Variants in ARID1B observed in about 807,000 individuals in gnomAD.
ARID1B encodes the protein AT-rich interactive domain-containing protein 1B.
In ARID1B, 30 loss-of-function variants were observed where a neutral mutation model predicts 212.3. That is an observed-to-expected ratio of 0.14 (90% CI 0.11 to 0.19). ARID1B has a LOEUF of 0.19. Among genes scored for constraint, ARID1B ranks in the 10% least tolerant of loss-of-function variants. The pLI, the probability that ARID1B is intolerant of heterozygous loss-of-function variation, is 1.00. For missense variants in ARID1B, 2,891 were observed against 3,204.0 expected (o/e 0.90, Z 2.36); for synonymous variants, 1,402 against 1,301.7 (o/e 1.08, Z -1.66).
chr6:157,054,223 C>CAAAAAAAAA (rs71645383), intron 4 of ARID1B, among the ~76,000 whole-genome samples: 19 of 144,706 alleles, frequency 1.3e-4, no homozygotes, highest in Admixed American at 2.1e-4. Context: ...GACTCTGTCT[C>CAAAAAAAAA]AAAAAAAAGA....
At chr6:157,122,458 C>T (rs548721562) in intron 6 of ARID1B, among the ~76,000 whole-genome samples, 1 of 152,314 alleles carries the variant, frequency 6.6e-6, no homozygotes, top group South Asian at 2.1e-4. Flanking sequence ...ATGTGGAATT[C>T]AAACAATTAT....
intron 1 of ARID1B, among the ~76,000 whole-genome samples, chr6:156,813,643 CT>C (rs1353843431): frequency 6.6e-6 from 1 of 152,086 alleles, no homozygotes; most frequent in Non-Finnish European, 1.5e-5. Flanking sequence ...TTATATGATT[CT>C]TTTTAAATGA....
intron 19 of ARID1B, chr6:157,204,799 C>T (rs1287084811): frequency 6.6e-6 from 1 of 152,130 alleles, no homozygotes; most frequent in Non-Finnish European, 1.5e-5. Flanking sequence ...GGAAAAAGGT[C>T]ATTTTCCCTA....
At chr6:157,174,181 C>T in intron 10 of ARID1B, 64 bp downstream of exon 10, 1 of 1,435,048 alleles carries the variant, frequency 7.0e-7, no homozygotes, top group Non-Finnish European at 9.8e-7. Flanking sequence ...ATGTCGTTCT[C>T]TCTTCACTGG....
intron 1 of ARID1B, among the ~76,000 whole-genome samples, chr6:156,800,562 C>T (rs1220214473): frequency 1.3e-5 from 2 of 151,894 alleles, no homozygotes; most frequent in Non-Finnish European, 2.9e-5. Flanking sequence ...GCACTTCAAC[C>T]TGGGTGACAG....
intron 4 of ARID1B, among the ~76,000 whole-genome samples, chr6:156,987,972 A>G (rs1778035643): frequency 1.3e-5 from 2 of 152,216 alleles, no homozygotes; most frequent in South Asian, 2.1e-4. Flanking sequence ...TGTGTGCATG[A>G]TGGTGATGTT....
chr6:157,087,973 A>G (rs1785057671), intron 5 of ARID1B, among the ~76,000 whole-genome samples: 1 of 152,250 alleles, frequency 6.6e-6, no homozygotes, highest in South Asian at 2.1e-4. Flanking sequence ...CTCTCAGATC[A>G]TAGGCAAACA....
Position 157,207,819 on chromosome 6 carries a change from G to A in ARID1B, c.7047G>A (p.Ser2349=), listed in dbSNP as rs1319153432. The A allele has an allele frequency of 1.3e-6, 2 of 1,539,992 alleles. No individual in the cohort carries two copies. Among genetic ancestry groups the A allele is most frequent in the Non-Finnish European group, 1.8e-6 (2 of 1,140,580 alleles). The change falls in exon 20 of 20, where the codon TCG becomes TCA. Residue 2349 remains serine, a synonymous_variant. Coordinates refer to ENST00000636930, the MANE Select transcript of ARID1B (RefSeq NM_001374828.1). This position sits in a 1 kb window ranked among gnomAD's most constrained non-coding sequence, Gnocchi z 8.5. ...LLHEGRLLDI[S]ISAVLNSLVA... is the part of the protein sequence containing the mutation. ...ACGAGGGCCGGTTGCTGGATATCTCGATATCAGCTGTCCTGAACTCTCTGG... is the reference window on the plus strand; with the variant it reads ...ACGAGGGCCGGTTGCTGGATATCTCAATATCAGCTGTCCTGAACTCTCTGG...
chr6:156,905,371 T>C (rs1201109468), intron 3 of ARID1B, among the ~76,000 whole-genome samples: 1 of 152,090 alleles, frequency 6.6e-6, no homozygotes, highest in East Asian at 1.9e-4. Context: ...AAGCCGATGG[T>C]CTGATGAAGT....
intron 7 of ARID1B, among the ~76,000 whole-genome samples, chr6:157,143,437 T>TGGG (rs139635777): frequency 5.5e-4 from 81 of 148,614 alleles, no homozygotes; most frequent in African/African-American, 8.4e-4. Context: ...ATCGAGTAGT[T>TGGG]GGGGGGGGCA....
intron 8 of ARID1B, among the ~76,000 whole-genome samples, chr6:157,163,430 T>C (rs934237307): frequency 6.6e-6 from 1 of 152,192 alleles, no homozygotes; most frequent in Non-Finnish European, 1.5e-5. Flanking sequence ...TGGCGTGCAG[T>C]GCGAGCCTTC....
chr6:156,950,108 G>A (rs1349345977), intron 4 of ARID1B, among the ~76,000 whole-genome samples: 3 of 152,198 alleles, frequency 2.0e-5, no homozygotes. Context: ...GAGTCGGTTG[G>A]TAGCATAGTG....
chr6:157,042,950 C>T lies in ARID1B; in HGVS notation c.2248-41712C>T, dbSNP rs117794750. On this transcript the variant is annotated intron_variant, in intron 4 of 19. Coordinates refer to ENST00000636930, the MANE Select transcript of ARID1B (RefSeq NM_001374828.1). ...TGCTGGGATTACAGGCATGAGCCAC[C>T]GCACAAAGGCTACACTTAACTTTAA... Among the ~76,000 whole-genome samples the T allele has an allele frequency of 6.8e-4, 104 of 152,196 alleles. No individual in the cohort carries two copies. In the East Asian group the frequency reaches 0.016, roughly 24 times the overall value.
intron 3 of ARID1B, among the ~76,000 whole-genome samples, chr6:156,932,263 G>GAA (rs1791808750): frequency 1.3e-5 from 2 of 151,248 alleles, no homozygotes; most frequent in Admixed American, 6.6e-5. Context: ...TTTAACCTTT[G>GAA]ACTCGTAACA....
At chr6:157,068,692 GC>G (rs1411768743) in intron 4 of ARID1B, among the ~76,000 whole-genome samples, 1 of 152,150 alleles carries the variant, frequency 6.6e-6, no homozygotes, top group Non-Finnish European at 1.5e-5. Context: ...ATCATCATAT[GC>G]TTACATAGTG....
chr6:156,886,525 G>C (rs552567914), intron 2 of ARID1B, among the ~76,000 whole-genome samples: 25 of 152,130 alleles, frequency 1.6e-4, no homozygotes, highest in Non-Finnish European at 2.6e-4. Context: ...GACCTCCAAA[G>C]TGTCCTTGCC....
intron 4 of ARID1B, among the ~76,000 whole-genome samples, chr6:157,021,185 C>T (rs1780222485): frequency 6.6e-6 from 1 of 152,112 alleles, no homozygotes; most frequent in African/African-American, 2.4e-5. Context: ...TCTCAGGCCT[C>T]GCTTTCCGGT....
intron 2 of ARID1B, among the ~76,000 whole-genome samples, chr6:156,868,475 T>G (rs186288128): frequency 6.6e-6 from 1 of 152,298 alleles, no homozygotes; most frequent in African/African-American, 2.4e-5. Flanking sequence ...TTCTCACAGT[T>G]TTTGAGGCTG....
At chr6:156,925,039 C>T (rs568211247) in intron 3 of ARID1B, among the ~76,000 whole-genome samples, 22 of 152,198 alleles carry the variant, frequency 1.4e-4, no homozygotes, top group East Asian at 1.9e-4. Context: ...TTCTTTCCTA[C>T]GAAAGAAGGC....
Sources: allele counts gnomAD v4.1 joint callset (sites outside exome capture counted in the v4.1 genomes callset), GRCh38; gene constraint gnomAD v4.1.1; non-coding constraint Gnocchi (gnomAD v3.1); transcripts MANE v1.5; gene names NCBI Gene and HGNC (gene_info 2026-07-23, HGNC 2026-07-21).